COL4A2: variants seen among roughly 807,000 people sequenced by gnomAD.
COL4A2 encodes the protein collagen alpha-2(IV) chain.
COL4A2 carries 99 observed loss-of-function variants against 200.2 expected under a neutral mutation model. The observed-to-expected ratio is 0.49, with a 90% CI of 0.42 to 0.58. The LOEUF is 0.58. COL4A2 is among the 20% of genes least tolerant of loss of function. The probability of loss-of-function intolerance (pLI) is 0.00; values close to 1 mark genes in which losing one functional copy is unlikely to be tolerated. For missense variants in COL4A2, 1,950 were observed against 2,314.1 expected (o/e 0.84, Z 3.23); for synonymous variants, 897 against 900.6 (o/e 1.00, Z 0.07).
intron 3 of COL4A2, among the ~76,000 whole-genome samples, chr13:110,312,899 G>A (rs1238031555): frequency 1.3e-5 from 2 of 152,206 alleles, no homozygotes; most frequent in African/African-American, 4.8e-5. Flanking sequence ...TGTGTGGAAT[G>A]GATCTCTCAG....
intron 28 of COL4A2, among the ~76,000 whole-genome samples, chr13:110,471,291 T>C (rs1000105532): frequency 6.6e-6 from 1 of 152,164 alleles, no homozygotes; most frequent in Non-Finnish European, 1.5e-5. Flanking sequence ...TTTGGACAGT[T>C]GCCCACGTGA....
At chr13:110,511,783 A>C in intron 47 of COL4A2, 151 bp from the exon 48 acceptor site, 1 of 1,285,824 alleles carries the variant, frequency 7.8e-7, no homozygotes, top group Non-Finnish European at 1.1e-6. Context: ...CCTCTTGCTG[A>C]AGGCGCATTC....
chr13:110,406,925 C>T (rs574798265), intron 4 of COL4A2, among the ~76,000 whole-genome samples: 35 of 152,304 alleles, frequency 2.3e-4, no homozygotes, highest in African/African-American at 8.2e-4. Flanking sequence ...CAGAGTCTGC[C>T]TTGTTCCCCT....
chr13:110,465,724 C>G (rs1882214237), intron 25 of COL4A2, 118 bp downstream of exon 25: 18 of 1,010,892 alleles, frequency 1.8e-5, no homozygotes, highest in Non-Finnish European at 2.4e-5. Flanking sequence ...CTCATCTGTT[C>G]TCGCACGTAC....
Position 110,307,811 on chromosome 13 carries a change from G to A in COL4A2, c.-44-49G>A, listed in dbSNP as rs774903547. 77 of 1,474,330 alleles carry A rather than the reference G, an allele frequency of 5.2e-5. No individual in the cohort carries two copies. Among genetic ancestry groups the A allele is most frequent in the Non-Finnish European group, 6.9e-5 (75 of 1,094,464 alleles). The allele number at this position is 1,474,330 out of a possible 1,614,324, so 91.3% of individuals were successfully genotyped here. On this transcript the variant is annotated intron_variant, in intron 1 of 47. Transcript: ENST00000360467. This position sits in a 1 kb window ranked among gnomAD's most constrained non-coding sequence, Gnocchi z 5.0. ...CGGACCGAGACCGGCGGTGAGGATG[G>A]GCTGCCTCCCTCATCCTGCGCTAAA...
chr13:110,315,212 C>G (rs896161078), intron 3 of COL4A2, among the ~76,000 whole-genome samples: 2 of 152,254 alleles, frequency 1.3e-5, no homozygotes, highest in Non-Finnish European at 2.9e-5. Context: ...GCAGGTATCA[C>G]ACACCTGCAC....
rs200339807 is a variant in COL4A2, at chr13:110,458,735, G to A, written c.1433-36G>A. Reference sequence around the variant, plus strand: ...CTCTCCCCGCCACGCTAAGAGGAATGCGGAACAAGGAGGCCCTCCTCTCCC... The same window carrying A: ...CTCTCCCCGCCACGCTAAGAGGAATACGGAACAAGGAGGCCCTCCTCTCCC... On this transcript the variant is annotated intron_variant, in intron 21 of 47. Coordinates refer to ENST00000360467, the MANE Select transcript of COL4A2 (RefSeq NM_001846.4). 5,976 of 1,612,816 alleles carry A rather than the reference G, an allele frequency of 3.7e-3. 16 individuals carry two copies. The highest frequency in any genetic ancestry group is 4.3e-3 in the Non-Finnish European group (5,103 of 1,179,360).
Position 110,508,367 on chromosome 13 carries a change from T to G in COL4A2, c.4881+146T>G, listed in dbSNP as rs1883962492. The G allele has an allele frequency of 3.9e-6, 5 of 1,297,340 alleles. No individual in the cohort carries two copies. The highest frequency in any genetic ancestry group is 5.3e-6 in the Non-Finnish European group (5 of 945,422). 80.4% of individuals were successfully genotyped at this position (1,297,340 alleles called of 1,614,324 possible). The stretch of plus-strand genomic sequence containing the variant: ...GTTGGCCCAGGAAGCGAGCGAGAGC[T>G]GGAACACAGCTTACACTTGGCTAAC... On this transcript the variant is annotated intron_variant, in intron 47 of 47. Transcript: ENST00000360467. This position sits in a 1 kb window ranked among gnomAD's most constrained non-coding sequence, Gnocchi z 6.1.
At chr13:110,367,165 T>C (rs1308166998) in intron 4 of COL4A2, among the ~76,000 whole-genome samples, 3 of 152,180 alleles carry the variant, frequency 2.0e-5, no homozygotes, top group African/African-American at 7.2e-5. Context: ...TGTGAGCGTG[T>C]GAAAAATCCC....
intron 3 of COL4A2, among the ~76,000 whole-genome samples, chr13:110,312,421 T>C (rs1885009531): frequency 6.6e-6 from 1 of 152,034 alleles, no homozygotes; most frequent in African/African-American, 2.4e-5. Flanking sequence ...ATAATAAAAA[T>C]CAAAGAACTG....
chr13:110,479,958 G>A (rs1882839051), intron 30 of COL4A2, among the ~76,000 whole-genome samples: 1 of 152,216 alleles, frequency 6.6e-6, no homozygotes, highest in Non-Finnish European at 1.5e-5. Flanking sequence ...TTGTCCCTTG[G>A]CTTCTGAAGA....
intron 45 of COL4A2, among the ~76,000 whole-genome samples, chr13:110,504,871 G>A (rs545457886): frequency 6.6e-6 from 1 of 151,990 alleles, no homozygotes; most frequent in African/African-American, 2.4e-5. Flanking sequence ...GCCTCCCAAA[G>A]TGCTGGGATT....
chr13:110,409,225 A>G (rs1275118468), intron 4 of COL4A2, among the ~76,000 whole-genome samples: 1 of 152,146 alleles, frequency 6.6e-6, no homozygotes, highest in Non-Finnish European at 1.5e-5. Context: ...ACATTCTTGC[A>G]CAAAAATCTC....
At chr13:110,491,430 ATCACACCCAACCCTGGAAGC>A (rs1883281887) in intron 37 of COL4A2, 90 bp downstream of exon 37, 1 of 862,850 alleles carries the variant, frequency 1.2e-6, no homozygotes, top group African/African-American at 1.7e-5. Context: ...ATTTCCTCCA[ATCACACCCAACCCTGGAAGC>A]TCACTCGTGC....
intron 4 of COL4A2, among the ~76,000 whole-genome samples, chr13:110,383,302 G>A (rs1033374713): frequency 1.3e-5 from 2 of 152,136 alleles, no homozygotes; most frequent in African/African-American, 2.4e-5. Flanking sequence ...AATACTCTTG[G>A]GGGACAAAAG....
At chr13:110,347,512 C>T (rs892417164) in intron 3 of COL4A2, among the ~76,000 whole-genome samples, 1 of 152,352 alleles carries the variant, frequency 6.6e-6, no homozygotes, top group South Asian at 2.1e-4. Flanking sequence ...ACCTGCTCTT[C>T]AGCATCCTGG....
At chr13:110,434,041 A>G (rs1312904674) in intron 11 of COL4A2, among the ~76,000 whole-genome samples, 1 of 152,230 alleles carries the variant, frequency 6.6e-6, no homozygotes, top group African/African-American at 2.4e-5. Flanking sequence ...AAGACGAATC[A>G]TGATCTTCAA....
intron 3 of COL4A2, among the ~76,000 whole-genome samples, chr13:110,321,169 A>G (rs1885265385): frequency 1.3e-5 from 2 of 149,032 alleles, no homozygotes; most frequent in Non-Finnish European, 3.0e-5. Flanking sequence ...GCGTATTTAT[A>G]TAGTGTGCAT....
At chr13:110,501,222 G>A (rs993678935) in intron 40 of COL4A2, among the ~76,000 whole-genome samples, 13 of 152,232 alleles carry the variant, frequency 8.5e-5, no homozygotes, top group African/African-American at 2.7e-4. Context: ...GACAGCCGCA[G>A]GGAGGGTTGA....
Sources: allele counts gnomAD v4.1 joint callset (sites outside exome capture counted in the v4.1 genomes callset), GRCh38; gene constraint gnomAD v4.1.1; non-coding constraint Gnocchi (gnomAD v3.1); transcripts MANE v1.5; gene names NCBI Gene and HGNC (gene_info 2026-07-23, HGNC 2026-07-21).